The following SEZ6 variants were observed in gnomAD, a reference collection of about 807,000 sequenced individuals.
SEZ6 encodes seizure protein 6 homolog.
SEZ6 carries 53 observed loss-of-function variants against 101.0 expected under a neutral mutation model. The observed-to-expected ratio is 0.52, with a 90% CI of 0.42 to 0.66. The LOEUF is 0.66. SEZ6 is among the 30% of genes least tolerant of loss of function. The pLI, the probability that SEZ6 is intolerant of heterozygous loss-of-function variation, is 0.00. For synonymous variants in SEZ6, 488 were observed against 512.2 expected, an observed-to-expected ratio of 0.95 and a Z score of 0.64; for missense variants, 1,102 against 1,289.4, an observed-to-expected ratio of 0.85 and a Z score of 2.23.
At chr17:28,988,115 G>A (rs898746239) in intron 1 of SEZ6, among the ~76,000 whole-genome samples, 1 of 152,166 alleles carries the variant, frequency 6.6e-6, no homozygotes, top group African/African-American at 2.4e-5. Context: ...GTCAGAACAG[G>A]TGCCTTCCCC....
At chr17:28,969,533 AC>A (rs1169156041) in intron 4 of SEZ6, among the ~76,000 whole-genome samples, 1 of 152,158 alleles carries the variant, frequency 6.6e-6, no homozygotes, top group African/African-American at 2.4e-5. Flanking sequence ...CTGAGTCAAG[AC>A]CAGCTCTCTG....
intron 1 of SEZ6, among the ~76,000 whole-genome samples, chr17:29,003,622 C>G (rs910662118): frequency 2.0e-5 from 3 of 152,208 alleles, no homozygotes; most frequent in Admixed American, 6.5e-5. Context: ...CCAGGAACCC[C>G]GGGATGGCCA....
Position 28,969,772 on chromosome 17 carries a change from G to A in SEZ6, c.1039C>T (p.His347Tyr). ...CAGGCCTTACCTTGGTAATGGAAAT[G>A]GAAGGTGCCAGGGCCAGCCGGTGGC... ...LPPPAGPGTF[H>Y]FHYQAYLLSC... The change falls in exon 4 of 17, where the codon CAT becomes TAT. Residue 347 changes from histidine (H) to tyrosine (Y), a missense_variant. Coordinates refer to ENST00000317338, the MANE Select transcript of SEZ6 (RefSeq NM_178860.5). 6.7e-7 allele frequency: 1 copy of A among 1,497,154 alleles called. No individual in the cohort carries two copies. Among genetic ancestry groups the A allele is most frequent in the Non-Finnish European group, 8.8e-7 (1 of 1,131,196 alleles). 92.7% of individuals were successfully genotyped at this position (1,497,154 alleles called of 1,614,324 possible). A position where few individuals can be genotyped will look rare whatever the true frequency, so the allele number is the denominator to read the frequency against.
chr17:28,968,143 C>G (rs531855766), intron 4 of SEZ6, among the ~76,000 whole-genome samples: 1 of 152,356 alleles, frequency 6.6e-6, no homozygotes, highest in South Asian at 2.1e-4. Context: ...ACCCCCTCTT[C>G]TGGCACCCTC....
Position 28,956,002 on chromosome 17 carries a change from G to T in SEZ6, c.2953-8C>A. 6.2e-7 allele frequency: 1 copy of T among 1,612,700 alleles called. No individual in the cohort carries two copies. Among genetic ancestry groups the T allele is most frequent in the Non-Finnish European group, 8.5e-7 (1 of 1,179,356 alleles). On this transcript the variant is annotated splice_polypyrimidine_tract_variant and splice_region_variant and intron_variant, in intron 16 of 16. Coordinates refer to ENST00000317338, the MANE Select transcript of SEZ6 (RefSeq NM_178860.5). ...TCCTGCAAAGGAAAGAGACTGCTGG[G>T]AGTTGGAAACTTGTATTAGGTTTGC...
chr17:28,980,429 A>T (rs1228177160), intron 2 of SEZ6, among the ~76,000 whole-genome samples: 1 of 148,980 alleles, frequency 6.7e-6, no homozygotes, highest in Non-Finnish European at 1.5e-5. Context: ...GCGTGCAGTG[A>T]CATGATCTTG....
chr17:29,000,702 A>G (rs1375091499), intron 1 of SEZ6, among the ~76,000 whole-genome samples: 1 of 152,124 alleles, frequency 6.6e-6, no homozygotes, highest in Admixed American at 6.5e-5. Context: ...TGGGAGATGG[A>G]TGAGGGGGCT....
intron 4 of SEZ6, among the ~76,000 whole-genome samples, chr17:28,964,548 A>G (rs1254886287): frequency 2.0e-5 from 3 of 152,232 alleles, no homozygotes; most frequent in African/African-American, 7.2e-5. Flanking sequence ...AGCTGATATT[A>G]TATCTTCAGG....
At chr17:28,975,951 GC>G (rs1407135676) in intron 3 of SEZ6, among the ~76,000 whole-genome samples, 1 of 152,260 alleles carries the variant, frequency 6.6e-6, no homozygotes, top group Non-Finnish European at 1.5e-5. Flanking sequence ...AAGGCCTGGA[GC>G]CCTCAGGGGG....
intron 1 of SEZ6, among the ~76,000 whole-genome samples, chr17:28,996,125 C>T (rs527296939): frequency 4.1e-5 from 6 of 145,248 alleles, no homozygotes; most frequent in Non-Finnish European, 9.1e-5. Context: ...CTCAGCCTCC[C>T]GGGTGGCTGG....
intron 2 of SEZ6, 147 bp from the exon 3 acceptor site, chr17:28,979,960 T>C: frequency 1.1e-6 from 1 of 933,640 alleles, no homozygotes; most frequent in Non-Finnish European, 1.5e-6. Context: ...TAGTCTCCTG[T>C]TGAAGGAAGG....
rs2040878271 is a variant in SEZ6 at position 28,956,349 on chromosome 17, C to A, written c.2849+1G>T. ...AGAGCAGAAAGAGAAGCCAGACTCA[C>A]CTGGAGAAGTAGAAGTATACACCTC... On this transcript the variant is annotated splice_donor_variant, in intron 15 of 16. Coordinates refer to ENST00000317338, the MANE Select transcript of SEZ6 (RefSeq NM_178860.5). LOFTEE classifies it high-confidence loss of function. 6.4e-7 allele frequency: 1 copy of A among 1,573,232 alleles called. No homozygotes were observed. The highest frequency in any genetic ancestry group is 1.9e-5 in the Admixed American group (1 of 53,046).
At chr17:28,992,367 T>C (rs2041473704) in intron 1 of SEZ6, among the ~76,000 whole-genome samples, 1 of 152,108 alleles carries the variant, frequency 6.6e-6, no homozygotes, top group South Asian at 2.1e-4. Context: ...CACGTGCGTG[T>C]GTGTGTGGGC....
In SEZ6 at chr17:28,981,637, G is replaced by A. The variant is rs371500469; in HGVS notation, c.458C>T (p.Ala153Val). The change falls in exon 2 of 17, where the codon GCT (alanine) becomes GTT (valine). Residue 153 changes from alanine (A) to valine (V), a missense_variant. By Grantham distance (64) the Ala-to-Val change is moderately conservative. Coordinates refer to ENST00000317338, the MANE Select transcript of SEZ6 (RefSeq NM_178860.5). Reference sequence around the variant, plus strand: ...CATGCTGGGCCCTGGAGGTAGGGGAGCTGTGATTCGAAGCATAGGGGACTC... The same window carrying A: ...CATGCTGGGCCCTGGAGGTAGGGGAACTGTGATTCGAAGCATAGGGGACTC... ...ESESPMLRIT[A>V]PLPPGPSMAV... The A allele has an allele frequency of 2.5e-6, 4 of 1,582,336 alleles. No individual in the cohort carries two copies. Among genetic ancestry groups the A allele is most frequent in the Middle Eastern group, 3.4e-4 (2 of 5,930 alleles).
At chr17:28,966,425 G>A (rs2041068969) in intron 4 of SEZ6, among the ~76,000 whole-genome samples, 2 of 152,272 alleles carry the variant, frequency 1.3e-5, no homozygotes, top group Middle Eastern at 3.4e-3. Flanking sequence ...AGAGGTTGCA[G>A]TGAGTGGAGA....
Position 28,959,842 on chromosome 17 carries a change from T to C in SEZ6, c.1627A>G (p.Ser543Gly). The C allele has an allele frequency of 6.2e-7, 1 of 1,613,636 alleles. No individual in the cohort carries two copies. ...ACAGGGTAGGTGGGTGTGCTGCTGC[T>C]GAAGTTACCGTATTTGACAAAGGGC... ...YEPFVKYGNF[S>G]SSTPTYPVGT... Residue 543 changes from serine (S) to glycine (G), a missense_variant, in exon 8 of 17, where the codon AGC (serine) becomes GGC (glycine). Physicochemically the swap from Ser to Gly is moderately conservative, Grantham distance 56. Coordinates refer to ENST00000317338, the MANE Select transcript of SEZ6 (RefSeq NM_178860.5). This position sits in a 1 kb window ranked among gnomAD's most constrained non-coding sequence, Gnocchi z 4.4.
At chr17:28,994,054 C>A (rs1219080674) in intron 1 of SEZ6, among the ~76,000 whole-genome samples, 2 of 152,174 alleles carry the variant, frequency 1.3e-5, no homozygotes, top group Non-Finnish European at 2.9e-5. Context: ...AAGCCCAGAC[C>A]CCTGGGCTAC....
chr17:28,966,360 G>C (rs891345049), intron 4 of SEZ6, among the ~76,000 whole-genome samples: 1 of 151,416 alleles, frequency 6.6e-6, no homozygotes, highest in African/African-American at 2.4e-5. Context: ...GCACGCGCCT[G>C]TAGTCCCAGT....
chr17:28,980,929 T>C (rs2041291650), intron 2 of SEZ6, among the ~76,000 whole-genome samples: 1 of 152,212 alleles, frequency 6.6e-6, no homozygotes, highest in South Asian at 2.1e-4. Context: ...AGAGTCTCGC[T>C]CTGTTGCCCA....
Sources: gnomAD v4.1 joint callset for allele counts (sites outside exome capture counted in the v4.1 genomes callset) on GRCh38, gnomAD v4.1.1 for gene constraint, Gnocchi (gnomAD v3.1) non-coding constraint, MANE v1.5 for transcripts, NCBI Gene and HGNC (gene_info 2026-07-23, HGNC 2026-07-21) for gene names.